GLRA3: variants seen among roughly 807,000 people sequenced by gnomAD.
GLRA3 encodes the protein glycine receptor subunit alpha-3.
Under a neutral mutation model 60.4 loss-of-function variants are expected in GLRA3, and 44 were observed. The observed-to-expected ratio is 0.73, with a 90% confidence interval of 0.57 to 0.94. The LOEUF (loss-of-function observed/expected upper bound fraction) is 0.94, where lower values mean the gene tolerates loss of function less well. GLRA3 is among the 40% of genes least tolerant of loss of function. The pLI is 0.00. For synonymous variants in GLRA3, 223 were observed against 192.9 expected, an observed-to-expected ratio of 1.16 and a Z score of -1.29; for missense variants, 508 against 564.6, an observed-to-expected ratio of 0.90 and a Z score of 1.02.
At chr4:174,729,014 T>G (rs1168273909) in intron 3 of GLRA3, among the ~76,000 whole-genome samples, 1 of 152,218 alleles carries the variant, frequency 6.6e-6, no homozygotes, top group Admixed American at 6.5e-5. Flanking sequence ...AATGGCATCC[T>G]CGGGTACTCC....
intron 5 of GLRA3, among the ~76,000 whole-genome samples, chr4:174,695,987 C>T (rs762548228): frequency 1.3e-5 from 2 of 151,956 alleles, no homozygotes; most frequent in African/African-American, 2.4e-5. Flanking sequence ...ATTCAATTTA[C>T]AATTGGCACA....
At chr4:174,699,715 G>C (rs1426024041) in intron 5 of GLRA3, among the ~76,000 whole-genome samples, 1 of 151,726 alleles carries the variant, frequency 6.6e-6, no homozygotes, top group African/African-American at 2.4e-5. Context: ...TCATCACAAA[G>C]GAACCAGAAC....
chr4:174,688,317 TCATATATATATATA>T (rs1476844802), intron 5 of GLRA3, among the ~76,000 whole-genome samples: 4,018 of 71,344 alleles, frequency 0.056, 310 homozygotes, highest in South Asian at 0.14. Flanking sequence ...TTACCTGACA[TCATATATATATATA>T]TATATATATA....
chr4:174,739,117 C>A (rs1234173467), intron 3 of GLRA3, among the ~76,000 whole-genome samples: 1 of 152,160 alleles, frequency 6.6e-6, no homozygotes, highest in Non-Finnish European at 1.5e-5. Flanking sequence ...TATGCAGCAA[C>A]AACTGGAATA....
intron 3 of GLRA3, among the ~76,000 whole-genome samples, chr4:174,757,272 T>TAC (rs10555003): frequency 4.6e-4 from 69 of 151,064 alleles, no homozygotes; most frequent in African/African-American, 1.5e-3. Context: ...ATACAACATT[T>TAC]ACACACACAC....
chr4:174,647,610 G>A (rs147714795), intron 9 of GLRA3, among the ~76,000 whole-genome samples: 177 of 151,960 alleles, frequency 1.2e-3, no homozygotes, highest in African/African-American at 4.0e-3. Context: ...GTGCAGCCCT[G>A]TTCCATAAAA....
At chr4:174,784,870 A>T (rs939383881) in intron 2 of GLRA3, among the ~76,000 whole-genome samples, 1 of 152,172 alleles carries the variant, frequency 6.6e-6, no homozygotes, top group Non-Finnish European at 1.5e-5. Context: ...GCACAGGATC[A>T]TTAGTGGAGA....
intron 3 of GLRA3, among the ~76,000 whole-genome samples, chr4:174,757,779 G>T (rs1288697151): frequency 1.3e-5 from 2 of 152,130 alleles, no homozygotes; most frequent in Admixed American, 1.3e-4. Flanking sequence ...CTTAAGTTGG[G>T]CTACATGCAG....
chr4:174,649,580 G>A (rs78128944), intron 9 of GLRA3, among the ~76,000 whole-genome samples: 7 of 152,138 alleles, frequency 4.6e-5, no homozygotes, highest in East Asian at 1.9e-4. Context: ...AGGGAATGGC[G>A]CAGGGGTGGT....
At chr4:174,719,206 G>A (rs907338432) in intron 4 of GLRA3, among the ~76,000 whole-genome samples, 2 of 151,176 alleles carry the variant, frequency 1.3e-5, no homozygotes, top group Admixed American at 6.6e-5. Flanking sequence ...CTCGTGATCC[G>A]CCCGCCTCGG....
intron 1 of GLRA3, among the ~76,000 whole-genome samples, chr4:174,789,964 C>A (rs13115113): frequency 0.03 from 4,583 of 152,236 alleles, 99 homozygotes; most frequent in Non-Finnish European, 0.044. Context: ...CCTTAGATTT[C>A]TCCTGCCAGA....
At chr4:174,706,087 G>T (rs149255509) in intron 5 of GLRA3, among the ~76,000 whole-genome samples, 22 of 151,768 alleles carry the variant, frequency 1.4e-4, no homozygotes, top group African/African-American at 5.1e-4. Context: ...AAAATTAGCC[G>T]GGCGTGGTGG....
chr4:174,822,290 C>T (rs1740770570), intron 1 of GLRA3, among the ~76,000 whole-genome samples: 1 of 152,142 alleles, frequency 6.6e-6, no homozygotes, highest in African/African-American at 2.4e-5. Context: ...ATCCAAACTT[C>T]ATGCATGGAG....
At chr4:174,719,975 TTTAG>T (rs71595430) in intron 4 of GLRA3, among the ~76,000 whole-genome samples, 62,547 of 151,646 alleles carry the variant, frequency 0.41, 13,069 homozygotes, top group South Asian at 0.47. Flanking sequence ...ACAAGTAAAC[TTTAG>T]TTATTTTCAC....
chr4:174,651,772 C>T (rs1297989178), intron 9 of GLRA3, among the ~76,000 whole-genome samples: 2 of 152,118 alleles, frequency 1.3e-5, no homozygotes, highest in African/African-American at 2.4e-5. Context: ...TGCTAGAATT[C>T]CTTGCAAATC....
intron 5 of GLRA3, among the ~76,000 whole-genome samples, chr4:174,714,134 C>T (rs1025749457): frequency 1.3e-5 from 2 of 152,156 alleles, no homozygotes; most frequent in African/African-American, 2.4e-5. Flanking sequence ...ACTTCTTAAA[C>T]AATCTTGGTT....
In GLRA3 at chr4:174,643,378, TCTCA is replaced by T; in HGVS notation, c.*404_*407del. ...TATACTATAAGAAAATAGTTTTAAA[TCTCA>T]AACTATTGGTTTACTGTGCAAAATT... On this transcript the variant is annotated 3_prime_UTR_variant, in exon 10 of 10. Coordinates refer to ENST00000274093, the MANE Select transcript of GLRA3 (RefSeq NM_006529.4). 1.2e-6 allele frequency: 1 copy of T among 846,168 alleles called. No individual in the cohort carries two copies. Among genetic ancestry groups the T allele is most frequent in the Non-Finnish European group, 1.4e-6 (1 of 703,604 alleles). The allele number at this position is 846,168 out of a possible 1,614,324, so 52.4% of individuals were successfully genotyped here. A position where few individuals can be genotyped will look rare whatever the true frequency, so the allele number is the denominator to read the frequency against.
intron 4 of GLRA3, chr4:174,722,731 C>T (rs1208724620): frequency 6.0e-6 from 1 of 166,038 alleles, no homozygotes; most frequent in Admixed American, 6.6e-5. Flanking sequence ...CTTCTTCTTT[C>T]TTTAAAAAAG....
At position 174,728,597 on chromosome 4, in the gene GLRA3, C is replaced by T. The variant is rs1312648590; in HGVS notation, c.369G>A (p.Leu123=). 1.2e-6 allele frequency: 2 copies of T among 1,612,098 alleles called. No homozygotes were observed. Among genetic ancestry groups the T allele is most frequent in the South Asian group, 1.1e-5 (1 of 91,020 alleles). Residue 123 remains leucine (L), a synonymous_variant, in exon 4 of 10, where the codon TTG becomes TTA. Transcript: ENST00000274093. ...ACAAATCAGGTTTCCAAATGGAGTCCAACATGGAGGGGTCGAGGTCTAAAG... is the reference window on the plus strand; with the variant it reads ...ACAAATCAGGTTTCCAAATGGAGTCTAACATGGAGGGGTCGAGGTCTAAAG... ...DDSLDLDPSM[L]DSIWKPDLFF...
Sources: gnomAD v4.1 joint callset for allele counts (sites outside exome capture counted in the v4.1 genomes callset) on GRCh38, gnomAD v4.1.1 for gene constraint, MANE v1.5 for transcripts, NCBI Gene and HGNC (gene_info 2026-07-23, HGNC 2026-07-21) for gene names.